RIC1: variants seen among roughly 807,000 people sequenced by gnomAD.
RIC1 encodes the protein RIC1 partner of RAB6A GEF complex.
In RIC1, 88 loss-of-function variants were observed where a neutral mutation model predicts 169.0. That is an observed-to-expected ratio of 0.52 (90% CI 0.44 to 0.62). The LOEUF is 0.62. Among genes scored for constraint, RIC1 ranks in the 20% least tolerant of loss-of-function variants. The pLI, the probability that RIC1 is intolerant of heterozygous loss-of-function variation, is 0.00. For missense variants in RIC1, 1,877 were observed against 1,725.5 expected (o/e 1.09, Z -1.56); for synonymous variants, 790 against 601.5 (o/e 1.31, Z -4.59).
intron 1 of RIC1, among the ~76,000 whole-genome samples, chr9:5,652,585 C>G (rs569146783): frequency 2.0e-5 from 3 of 152,002 alleles, no homozygotes; most frequent in African/African-American, 7.2e-5. Flanking sequence ...TTATTTTGTT[C>G]TACCACTTTT....
intron 7 of RIC1, among the ~76,000 whole-genome samples, chr9:5,734,537 C>A (rs1030930354): frequency 6.6e-6 from 1 of 152,144 alleles, no homozygotes; most frequent in Non-Finnish European, 1.5e-5. Context: ...GTTTATAATA[C>A]CCTTTTTATT....
At chr9:5,722,605 G>T (rs534498397) in intron 6 of RIC1, among the ~76,000 whole-genome samples, 2 of 151,900 alleles carry the variant, frequency 1.3e-5, no homozygotes, top group Non-Finnish European at 2.9e-5. Context: ...TGTGCACAGC[G>T]TGCAGGTTTG....
Position 5,753,210 on chromosome 9 carries a change from C to G in RIC1, c.1463C>G (p.Thr488Ser). The change falls in exon 13 of 26, where the codon ACC becomes AGC. Residue 488 changes from threonine (T) to serine (S), a missense_variant. Thr to Ser is a moderately conservative substitution (Grantham distance 58). Coordinates refer to ENST00000414202, the MANE Select transcript of RIC1 (RefSeq NM_020829.4). ...RHWHVVQISS[T>S]YLESNWPIRF... ...TGTTATTTTCTATAGATTTCCAGCA[C>G]CTATCTAGAGAGCAATTGGCCTATA... 1.9e-6 allele frequency: 3 copies of G among 1,613,036 alleles called. No homozygotes were observed. Among genetic ancestry groups the G allele is most frequent in the Non-Finnish European group, 2.5e-6 (3 of 1,179,100 alleles).
intron 2 of RIC1, among the ~76,000 whole-genome samples, chr9:5,678,123 T>C (rs1820571312): frequency 6.6e-6 from 1 of 152,174 alleles, no homozygotes. Context: ...TTGGGATAGT[T>C]TGCTGAGAAT....
At chr9:5,730,699 C>G (rs1485784488) in intron 6 of RIC1, among the ~76,000 whole-genome samples, 1 of 152,090 alleles carries the variant, frequency 6.6e-6, no homozygotes, top group Non-Finnish European at 1.5e-5. Flanking sequence ...AGCAATTCCA[C>G]AAGTGTTTGC....
chr9:5,664,954 C>G (rs531900807), intron 2 of RIC1, among the ~76,000 whole-genome samples: 43 of 152,306 alleles, frequency 2.8e-4, no homozygotes, highest in African/African-American at 8.9e-4. Context: ...TTTCTGAGCT[C>G]TAACAGGTCG....
rs771015148 is a variant in RIC1, at chr9:5,763,176, G to A, written c.2149G>A (p.Val717Ile). ...TCCTCCTGTTGTACTAGCCCAGTCT[G>A]TTGAAAATGTCTGGACAACGTGTCG... is the stretch of plus-strand genomic sequence containing the variant. ...FCPPVVLAQS[V>I]ENVWTTCRAN... The change falls in exon 19 of 26, where the codon GTT (valine) becomes ATT (isoleucine). Residue 717 changes from valine (V) to isoleucine (I), a missense_variant. Val to Ile is a conservative substitution (Grantham distance 29, BLOSUM62 3). This residue lies in a region of RIC1 where 1,104 missense variants were observed against 992.0 expected (regional missense o/e 1.11). Coordinates refer to ENST00000414202, the MANE Select transcript of RIC1 (RefSeq NM_020829.4). The surrounding 1 kb of genome is among the most constrained non-coding windows in gnomAD (Gnocchi z 5.2). The A allele has an allele frequency of 1.9e-6, 3 of 1,613,994 alleles. No individual in the cohort carries two copies. In the East Asian group the frequency reaches 6.7e-5, roughly 36 times the overall value.
intron 12 of RIC1, among the ~76,000 whole-genome samples, chr9:5,751,545 G>A (rs150197364): frequency 8.0e-5 from 12 of 150,814 alleles, no homozygotes; most frequent in Admixed American, 2.6e-4. Flanking sequence ...TAGTAGAGAC[G>A]GGTTTCACCA....
chr9:5,732,835 A>T (rs1313168287), intron 7 of RIC1, among the ~76,000 whole-genome samples: 1 of 152,216 alleles, frequency 6.6e-6, no homozygotes, highest in Non-Finnish European at 1.5e-5. Flanking sequence ...ATCAGCATTC[A>T]TGACGCCTTC....
At chr9:5,753,303 G>A in intron 13 of RIC1, 65 bp downstream of exon 13, 2 of 1,416,122 alleles carry the variant, frequency 1.4e-6, no homozygotes, top group Non-Finnish European at 2.0e-6. Context: ...GGCATTCTGG[G>A]AAGAGCCCTT....
At chr9:5,693,377 C>G (rs10491558) in intron 3 of RIC1, among the ~76,000 whole-genome samples, 48,388 of 151,910 alleles carry the variant, frequency 0.32, 8,980 homozygotes, top group East Asian at 0.62. Flanking sequence ...CATGATCTTT[C>G]CTAGTTTCCA....
At chr9:5,680,840 T>C (rs1820780633) in intron 2 of RIC1, among the ~76,000 whole-genome samples, 1 of 132,864 alleles carries the variant, frequency 7.5e-6, no homozygotes, top group African/African-American at 3.1e-5. Context: ...TTTTTTTTTT[T>C]TTTTGAGACG....
chr9:5,758,722 C>CTTTTTTTTTTT, intron 17 of RIC1, among the ~76,000 whole-genome samples: 1 of 98,434 alleles, frequency 1.0e-5, no homozygotes, highest in Middle Eastern at 5.2e-3. Flanking sequence ...GGTCTCCCTT[C>CTTTTTTTTTTT]TTTTTTTTTT....
chr9:5,645,102 A>C (rs1818438566), intron 1 of RIC1, among the ~76,000 whole-genome samples: 1 of 152,166 alleles, frequency 6.6e-6, no homozygotes, highest in Non-Finnish European at 1.5e-5. Context: ...CCATTTAAAA[A>C]AAAAACAGTG....
chr9:5,670,995 G>C (rs1820057526), intron 2 of RIC1, among the ~76,000 whole-genome samples: 1 of 152,112 alleles, frequency 6.6e-6, no homozygotes, highest in Non-Finnish European at 1.5e-5. Context: ...TCCGCCGTCA[G>C]AAATGCAAAA....
In RIC1 at chr9:5,775,273, C is replaced by G. The variant is rs148048234; in HGVS notation, c.*1027C>G. On this transcript the variant is annotated 3_prime_UTR_variant, in exon 26 of 26. Transcript: ENST00000414202. ...GCTGAATCCTGTATTACCACGGCTA[C>G]TAAAAATTAGTGTGTAAAGAATGCA... The G allele has an allele frequency of 6.6e-6, 1 of 152,274 alleles. No individual in the cohort carries two copies. The highest frequency in any genetic ancestry group is 2.4e-5 in the African/African-American group (1 of 41,558). 9.4% of individuals were successfully genotyped at this position (152,274 alleles called of 1,614,324 possible).
chr9:5,717,423 G>A (rs1022672361), intron 4 of RIC1, among the ~76,000 whole-genome samples: 3 of 152,108 alleles, frequency 2.0e-5, no homozygotes, highest in Non-Finnish European at 4.4e-5. Flanking sequence ...CTGCTAAATT[G>A]CCTCTCTTGA....
intron 1 of RIC1, 132 bp downstream of exon 1, chr9:5,629,585 T>A: frequency 9.7e-7 from 1 of 1,035,002 alleles, no homozygotes. Context: ...GCAGTCCGCG[T>A]CCTCGTTCCA....
Position 5,754,937 on chromosome 9 carries a change from T to C in RIC1, c.1692+7T>C. ...AAATGACCGTCAAGAAGAGGTAAGT[T>C]TTTTCTCTCAGAAATAACAGATTTT... On this transcript the variant is annotated splice_region_variant and intron_variant, in intron 15 of 25. Coordinates refer to ENST00000414202, the MANE Select transcript of RIC1 (RefSeq NM_020829.4). 3.4e-6 allele frequency: 5 copies of C among 1,490,842 alleles called. No homozygotes were observed. The highest frequency in any genetic ancestry group is 4.5e-6 in the Non-Finnish European group (5 of 1,099,082). 92.4% of individuals were successfully genotyped at this position (1,490,842 alleles called of 1,614,324 possible). A position where few individuals can be genotyped will look rare whatever the true frequency, so the allele number is the denominator to read the frequency against.
Sources: gnomAD v4.1 joint callset for allele counts (sites outside exome capture counted in the v4.1 genomes callset) on GRCh38, gnomAD v4.1.1 for gene constraint, gnomAD v4.1.1 regional missense constraint, Gnocchi (gnomAD v3.1) non-coding constraint, MANE v1.5 for transcripts, NCBI Gene and HGNC (gene_info 2026-07-23, HGNC 2026-07-21) for gene names.